The following ILRUN variants were observed in gnomAD, a reference collection of about 807,000 sequenced individuals.
ILRUN encodes inflammation and lipid regulator with UBA-like and NBR1-like domains, also known as protein ILRUN.
Under a neutral mutation model 33.8 loss-of-function variants are expected in ILRUN, and 3 were observed. The ratio of observed to expected loss-of-function variants is 0.09; its 90% CI spans 0.04 to 0.23. The LOEUF is 0.23. ILRUN is among the 10% of genes least tolerant of loss of function. The pLI, the probability that ILRUN is intolerant of heterozygous loss-of-function variation, is 1.00. For missense variants in ILRUN, 210 were observed against 375.1 expected, an observed-to-expected ratio of 0.56 and a Z score of 3.64; for synonymous variants, 124 against 138.9, an observed-to-expected ratio of 0.89 and a Z score of 0.75.
intron 3 of ILRUN, among the ~76,000 whole-genome samples, chr6:34,609,910 G>T (rs1392815818): frequency 7.2e-5 from 11 of 152,074 alleles, no homozygotes; most frequent in Admixed American, 7.2e-4. Flanking sequence ...TGTAATCCCA[G>T]CACTTTGGGA....
intron 3 of ILRUN, among the ~76,000 whole-genome samples, chr6:34,636,208 A>C (rs1447600279): frequency 6.6e-6 from 1 of 152,106 alleles, no homozygotes; most frequent in Admixed American, 6.6e-5. Context: ...TGATCCTGAC[A>C]CTGTCCAGCC....
intron 3 of ILRUN, among the ~76,000 whole-genome samples, chr6:34,637,273 A>C (rs189631748): frequency 1.3e-5 from 2 of 152,346 alleles, no homozygotes; most frequent in Non-Finnish European, 2.9e-5. Context: ...GATTATATTA[A>C]GATACAAATT....
At chr6:34,686,251 A>G (rs1763514237) in intron 1 of ILRUN, among the ~76,000 whole-genome samples, 1 of 152,202 alleles carries the variant, frequency 6.6e-6, no homozygotes, top group Non-Finnish European at 1.5e-5. Context: ...CTGTAATCCC[A>G]GCACTTTGGG....
chr6:34,595,980 A>G, intron 4 of ILRUN: 1 of 936,740 alleles, frequency 1.1e-6, no homozygotes, highest in Non-Finnish European at 1.3e-6. Context: ...TACAGGGTTT[A>G]GTACTAAGTC....
intron 3 of ILRUN, among the ~76,000 whole-genome samples, chr6:34,615,583 G>T (rs1402849913): frequency 6.6e-6 from 1 of 152,114 alleles, no homozygotes; most frequent in Non-Finnish European, 1.5e-5. Context: ...GACACAGAGC[G>T]AGACTCCATC....
chr6:34,657,840 A>G (rs1400704314), intron 1 of ILRUN, among the ~76,000 whole-genome samples: 1 of 152,234 alleles, frequency 6.6e-6, no homozygotes, highest in African/African-American at 2.4e-5. Flanking sequence ...CTCAGCTATT[A>G]TTAGCCAACA....
chr6:34,679,478 T>C (rs1171084886), intron 1 of ILRUN, among the ~76,000 whole-genome samples: 3 of 152,190 alleles, frequency 2.0e-5, no homozygotes, highest in Non-Finnish European at 2.9e-5. Context: ...TGAATTTATA[T>C]TGAAAAAAAA....
chr6:34,606,199 A>C (rs754384586), intron 4 of ILRUN, among the ~76,000 whole-genome samples: 7 of 152,238 alleles, frequency 4.6e-5, no homozygotes, highest in Non-Finnish European at 1.0e-4. Context: ...ACATGCAAAC[A>C]GGGTAAATAA....
At chr6:34,676,427 T>C (rs1404346265) in intron 1 of ILRUN, among the ~76,000 whole-genome samples, 1 of 151,220 alleles carries the variant, frequency 6.6e-6, no homozygotes, top group African/African-American at 2.4e-5. Context: ...CAGATAGATA[T>C]AGCTAGCTAG....
chr6:34,611,530 T>G (rs1016733469), intron 3 of ILRUN, among the ~76,000 whole-genome samples: 1 of 152,152 alleles, frequency 6.6e-6, no homozygotes, highest in African/African-American at 2.4e-5. Context: ...CAGAATGCGT[T>G]CACCCCCTGC....
rs542387512 is a variant in ILRUN at position 34,682,430 on chromosome 6, T to C, written c.158+14016A>G. Reference sequence around the variant, plus strand: ...CCGCCACCAGGCCCAGCTAATTTTTTTGTATTTTTAGTAGAGACACGGTTT... The same window carrying C: ...CCGCCACCAGGCCCAGCTAATTTTTCTGTATTTTTAGTAGAGACACGGTTT... On this transcript the variant is annotated intron_variant, in intron 1 of 4. Coordinates refer to ENST00000374023, the MANE Select transcript of ILRUN (RefSeq NM_024294.4). Among the ~76,000 whole-genome samples the C allele has an allele frequency of 1.0e-4, 15 of 150,262 alleles. No individual in the cohort carries two copies. The East Asian group carries it at 2.6e-3, about 26-fold the overall frequency.
intron 4 of ILRUN, among the ~76,000 whole-genome samples, chr6:34,598,151 GTATTATTGACTGTATACTATCAGTCAA>G (rs1761440278): frequency 6.6e-6 from 1 of 152,124 alleles, no homozygotes; most frequent in African/African-American, 2.4e-5. Flanking sequence ...ATATCAGTCA[GTATTATTGACTGTATACTATCAGTCAA>G]TATTATTGAC....
chr6:34,678,630 G>A (rs1407571294), intron 1 of ILRUN, among the ~76,000 whole-genome samples: 1 of 151,700 alleles, frequency 6.6e-6, no homozygotes, highest in East Asian at 2.0e-4. Flanking sequence ...GGTGGATCAC[G>A]AGGTCAGGAG....
chr6:34,696,456 T>C lies in ILRUN; in HGVS notation c.148A>G (p.Met50Val). 1 of 1,581,816 alleles carries C rather than the reference T, an allele frequency of 6.3e-7. No individual in the cohort carries two copies. Among genetic ancestry groups the C allele is most frequent in the Non-Finnish European group, 8.6e-7 (1 of 1,165,064 alleles). The change falls in exon 1 of 5, where the codon ATG becomes GTG. Residue 50 changes from methionine (M) to valine (V), a missense_variant. Transcript: ENST00000374023. Reference sequence around the variant, plus strand: ...GCGGGGCCGGCTCACCAGTTGGTCATGTCCAGGAAGAAGGCGCAACCGGCA... The same window carrying C: ...GCGGGGCCGGCTCACCAGTTGGTCACGTCCAGGAAGAAGGCGCAACCGGCA... Reference protein sequence around the residue: ...NPAGCAFFLDMTNWNLQAAIG... With the variant: ...NPAGCAFFLDVTNWNLQAAIG...
At chr6:34,652,074 G>A (rs1460145083) in intron 2 of ILRUN, among the ~76,000 whole-genome samples, 1 of 152,066 alleles carries the variant, frequency 6.6e-6, no homozygotes, top group Non-Finnish European at 1.5e-5. Flanking sequence ...TTACAGGTGT[G>A]AGCCACTGCA....
chr6:34,611,310 G>A (rs762030268), intron 3 of ILRUN, among the ~76,000 whole-genome samples: 8 of 151,794 alleles, frequency 5.3e-5, no homozygotes, highest in African/African-American at 1.7e-4. Context: ...ATCTCTTTGC[G>A]TTGGCTATTG....
intron 1 of ILRUN, among the ~76,000 whole-genome samples, chr6:34,672,406 T>C (rs969190868): frequency 2.0e-5 from 3 of 152,084 alleles, no homozygotes; most frequent in Non-Finnish European, 2.9e-5. Flanking sequence ...TCTTTTTGTG[T>C]TCCACTCTTA....
At chr6:34,681,029 C>G (rs918820594) in intron 1 of ILRUN, among the ~76,000 whole-genome samples, 1 of 151,802 alleles carries the variant, frequency 6.6e-6, no homozygotes, top group East Asian at 1.9e-4. Context: ...CCACTCTTCT[C>G]AAGGCCTGTT....
At chr6:34,683,227 A>G (rs1302974666) in intron 1 of ILRUN, among the ~76,000 whole-genome samples, 1 of 151,156 alleles carries the variant, frequency 6.6e-6, no homozygotes, top group East Asian at 1.9e-4. Flanking sequence ...CTATCCAAGT[A>G]CCTTGACAAC....
Sources: allele counts gnomAD v4.1 joint callset (sites outside exome capture counted in the v4.1 genomes callset), GRCh38; gene constraint gnomAD v4.1.1; transcripts MANE v1.5; gene names NCBI Gene and HGNC (gene_info 2026-07-23, HGNC 2026-07-21).